Variants in PRSS12 observed in about 807,000 individuals in gnomAD.
The protein encoded by PRSS12 is serine protease 12.
PRSS12 carries 85 observed loss-of-function variants against 104.4 expected under a neutral mutation model. That is an observed-to-expected ratio of 0.81 (90% CI 0.68 to 0.98). The LOEUF is 0.98. Among genes scored for constraint, PRSS12 ranks in the 50% least tolerant of loss-of-function variants. The pLI, the probability that PRSS12 is intolerant of heterozygous loss-of-function variation, is 0.00. For missense variants in PRSS12, 1,141 were observed against 1,139.2 expected, an observed-to-expected ratio of 1.00 and a Z score of -0.02; for synonymous variants, 454 against 425.2, an observed-to-expected ratio of 1.07 and a Z score of -0.83.
In PRSS12 at chr4:118,298,806, G is replaced by A. The variant is rs1211161678; in HGVS notation, c.1764C>T (p.Asn588=). The change falls in exon 9 of 13, where the codon AAC becomes AAT. Residue 588 remains asparagine (N), a synonymous_variant. Coordinates refer to ENST00000296498, the MANE Select transcript of PRSS12 (RefSeq NM_003619.4). ...CTCCTGCATCTTCACTGTGGCGGCA[G>A]TTGTGTCTTCCAATATCTTGCTTGA... ...DCIKQDIGRH[N]CRHSEDAGVI... is the part of the protein sequence containing the mutation. 1.2e-5 allele frequency: 20 copies of A among 1,614,066 alleles called. No individual in the cohort carries two copies. The highest frequency in any genetic ancestry group is 1.6e-5 in the Non-Finnish European group (19 of 1,180,026).
intron 11 of PRSS12, among the ~76,000 whole-genome samples, chr4:118,284,417 CA>C (rs2126025590): frequency 1.3e-5 from 2 of 152,318 alleles, no homozygotes; most frequent in South Asian, 4.1e-4. Flanking sequence ...CTACTTATAA[CA>C]TTCTTAAGAC....
intron 1 of PRSS12, among the ~76,000 whole-genome samples, chr4:118,341,323 C>G (rs928334298): frequency 6.6e-6 from 1 of 152,156 alleles, no homozygotes; most frequent in Non-Finnish European, 1.5e-5. Flanking sequence ...CATTTGTTTT[C>G]TGGCTTTATT....
intron 4 of PRSS12, among the ~76,000 whole-genome samples, chr4:118,323,309 A>C (rs1723681129): frequency 6.6e-6 from 1 of 152,066 alleles, no homozygotes; most frequent in Admixed American, 6.5e-5. Flanking sequence ...CCACCAAAAA[A>C]AATCTATTAA....
chr4:118,349,685 G>A (rs1450276007), intron 1 of PRSS12, among the ~76,000 whole-genome samples: 4 of 151,878 alleles, frequency 2.6e-5, no homozygotes, highest in Non-Finnish European at 5.9e-5. Context: ...TAAAATGCAG[G>A]AACTCACTCA....
chr4:118,297,540 T>C (rs1023104936), intron 9 of PRSS12, among the ~76,000 whole-genome samples: 4 of 151,326 alleles, frequency 2.6e-5, no homozygotes, highest in African/African-American at 7.3e-5. Flanking sequence ...ATATTTAATA[T>C]ATATGAATAG....
At chr4:118,296,398 G>C (rs893652874) in intron 9 of PRSS12, among the ~76,000 whole-genome samples, 1 of 152,142 alleles carries the variant, frequency 6.6e-6, no homozygotes, top group African/African-American at 2.4e-5. Context: ...GTAAACTATG[G>C]TTAAGGGTAT....
intron 8 of PRSS12, among the ~76,000 whole-genome samples, chr4:118,300,107 C>A (rs1263277057): frequency 6.6e-6 from 1 of 151,868 alleles, no homozygotes; most frequent in Non-Finnish European, 1.5e-5. Context: ...AACTCTTGGG[C>A]TCGGGAGACC....
chr4:118,331,685 T>A, intron 4 of PRSS12, 31 bp downstream of exon 4: 1 of 1,613,780 alleles, frequency 6.2e-7, no homozygotes. Context: ...GATTCAAAAG[T>A]TTAAGCAAAA....
chr4:118,314,898 T>C (rs1578919303), intron 6 of PRSS12, among the ~76,000 whole-genome samples: 2 of 152,208 alleles, frequency 1.3e-5, no homozygotes, highest in Admixed American at 1.3e-4. Context: ...ATTTTATGAA[T>C]CTCTCTAAAT....
intron 11 of PRSS12, among the ~76,000 whole-genome samples, chr4:118,294,338 C>A (rs1263031634): frequency 6.6e-6 from 1 of 152,136 alleles, no homozygotes; most frequent in African/African-American, 2.4e-5. Flanking sequence ...CAAAAAAGCA[C>A]TAAACAAGAG....
At chr4:118,308,394 A>T (rs1168983878) in intron 8 of PRSS12, 42 bp downstream of exon 8, 2 of 1,612,526 alleles carry the variant, frequency 1.2e-6, no homozygotes, top group Non-Finnish European at 8.5e-7. Flanking sequence ...AAATTCAGAT[A>T]TGCTCATCAG....
chr4:118,302,556 G>T (rs1037469083), intron 8 of PRSS12, among the ~76,000 whole-genome samples: 1 of 152,022 alleles, frequency 6.6e-6, no homozygotes, highest in African/African-American at 2.4e-5. Context: ...CCTCCCGAGC[G>T]GCTGGGATTA....
chr4:118,320,141 C>T (rs1723569224), intron 4 of PRSS12, among the ~76,000 whole-genome samples: 1 of 152,150 alleles, frequency 6.6e-6, no homozygotes. Context: ...CATTTTCAGT[C>T]CCTTTTAGGC....
chr4:118,351,242 A>G (rs1165146339), intron 1 of PRSS12, among the ~76,000 whole-genome samples: 1 of 152,192 alleles, frequency 6.6e-6, no homozygotes, highest in Non-Finnish European at 1.5e-5. Context: ...CAGAATCTCA[A>G]TTCAGGAAAC....
chr4:118,331,997 A>G (rs1021047616), intron 3 of PRSS12, 131 bp from the exon 4 acceptor site: 57 of 1,119,744 alleles, frequency 5.1e-5, no homozygotes, highest in Non-Finnish European at 7.1e-5. Flanking sequence ...AGTGATATGG[A>G]CATACGTATA....
chr4:118,298,679 T>C, intron 9 of PRSS12, 54 bp downstream of exon 9: 1 of 1,483,840 alleles, frequency 6.7e-7, no homozygotes, highest in Non-Finnish European at 9.4e-7. Flanking sequence ...CTTATAGTAA[T>C]GGAATGGGAA....
At chr4:118,322,498 A>G (rs1723658326) in intron 4 of PRSS12, among the ~76,000 whole-genome samples, 3 of 151,714 alleles carry the variant, frequency 2.0e-5, no homozygotes, top group African/African-American at 7.3e-5. Context: ...GTGAGCTGAG[A>G]TTGCGCCACT....
chr4:118,304,234 A>G (rs1037041352), intron 8 of PRSS12, among the ~76,000 whole-genome samples: 9 of 151,810 alleles, frequency 5.9e-5, no homozygotes, highest in African/African-American at 2.2e-4. Context: ...TTAAGGCATA[A>G]TAACATTGAG....
At chr4:118,332,872 A>C (rs1316551123) in intron 3 of PRSS12, among the ~76,000 whole-genome samples, 1 of 152,204 alleles carries the variant, frequency 6.6e-6, no homozygotes, top group Admixed American at 6.5e-5. Flanking sequence ...GCCTTGTACA[A>C]GGTGTTATGA....
Sources: allele counts gnomAD v4.1 joint callset (sites outside exome capture counted in the v4.1 genomes callset), GRCh38; gene constraint gnomAD v4.1.1; transcripts MANE v1.5; gene names NCBI Gene and HGNC (gene_info 2026-07-23, HGNC 2026-07-21).